Variants in PPP1R42 observed in about 807,000 individuals in gnomAD.
PPP1R42 encodes the protein protein phosphatase 1 regulatory subunit 42.
PPP1R42 carries 34 observed loss-of-function variants against 31.0 expected under a neutral mutation model. The ratio of observed to expected loss-of-function variants is 1.10; its 90% CI spans 0.83 to 1.46. The LOEUF is 1.46. Among genes scored for constraint, PPP1R42 ranks in the 40% most tolerant of loss-of-function variants. The probability of loss-of-function intolerance (pLI) is 0.00; values close to 1 mark genes in which losing one functional copy is unlikely to be tolerated. For missense variants in PPP1R42, 268 were observed against 303.0 expected (o/e 0.88, Z 0.86); for synonymous variants, 103 against 109.8 (o/e 0.94, Z 0.39).
intron 3 of PPP1R42, among the ~76,000 whole-genome samples, chr8:67,013,758 C>A (rs1815915958): frequency 6.6e-6 from 1 of 152,022 alleles, no homozygotes; most frequent in African/African-American, 2.4e-5. Context: ...GATATCTGGG[C>A]CTAACCCCTG....
intron 5 of PPP1R42, 66 bp from the exon 6 acceptor site, chr8:66,988,583 G>C (rs1458973174): frequency 1.4e-6 from 2 of 1,408,180 alleles, no homozygotes; most frequent in African/African-American, 2.9e-5. Flanking sequence ...TAGCATGTCA[G>C]TTATTGTTTT....
At chr8:66,991,324 A>C (rs1057021508) in intron 5 of PPP1R42, among the ~76,000 whole-genome samples, 1 of 152,188 alleles carries the variant, frequency 6.6e-6, no homozygotes, top group Admixed American at 6.5e-5. Context: ...CAAATGCAAA[A>C]GTCTTATTGT....
intron 1 of PPP1R42, among the ~76,000 whole-genome samples, chr8:67,023,064 T>TGC (rs1816272392): frequency 6.6e-6 from 1 of 152,130 alleles, no homozygotes; most frequent in Non-Finnish European, 1.5e-5. Flanking sequence ...TTTTCAGTAG[T>TGC]TAAAATTTTT....
intron 7 of PPP1R42, 120 bp from the exon 8 acceptor site, chr8:66,964,454 CCAAA>C (rs1330034505): frequency 3.9e-5 from 14 of 363,608 alleles, no homozygotes; most frequent in Non-Finnish European, 2.3e-5. Flanking sequence ...TGATTAATCA[CCAAA>C]CAGTGTGAAT....
At chr8:66,983,068 T>C (rs1038689433) in intron 6 of PPP1R42, among the ~76,000 whole-genome samples, 3 of 151,964 alleles carry the variant, frequency 2.0e-5, no homozygotes, top group African/African-American at 7.3e-5. Context: ...GTGATAGAAA[T>C]TGCGCTTCAT....
intron 7 of PPP1R42, chr8:66,970,956 C>T (rs1005569502): frequency 1.7e-5 from 25 of 1,483,446 alleles, no homozygotes; most frequent in Non-Finnish European, 2.2e-5. Flanking sequence ...AAGATAAAGT[C>T]ACATAAATAT....
intron 1 of PPP1R42, among the ~76,000 whole-genome samples, chr8:67,022,746 A>G (rs988482162): frequency 6.6e-6 from 1 of 152,060 alleles, no homozygotes; most frequent in Non-Finnish European, 1.5e-5. Context: ...CAATTACCCC[A>G]GTACTTGGGG....
rs1284719666 is a variant in PPP1R42 at position 67,017,710 on chromosome 8, C to A, written c.38G>T (p.Ser13Ile). The A allele has an allele frequency of 3.1e-6, 5 of 1,598,366 alleles. No individual in the cohort carries two copies. Among genetic ancestry groups the A allele is most frequent in the Middle Eastern group, 1.7e-4 (1 of 5,940 alleles). The change falls in exon 2 of 8, where the codon AGC becomes ATC. Residue 13 changes from serine (S) to isoleucine (I), a missense_variant. Physicochemically the swap from Ser to Ile is moderately radical, Grantham distance 142. Coordinates refer to ENST00000685739, the MANE Select transcript of PPP1R42 (RefSeq NM_001364910.1). Reference protein sequence around the residue: ...RLTLDLIARNSNLKPRKEETI... With the variant: ...RLTLDLIARNINLKPRKEETI... ...TTCTTCTTTTCGGGGTTTAAGATTG[C>A]TGTTTCTGGCAATTAGATCCAAGGT...
Position 66,964,141 on chromosome 8 carries a change from T to C in PPP1R42, c.*180A>G. On this transcript the variant is annotated 3_prime_UTR_variant, in exon 8 of 8. Transcript: ENST00000685739. Reference sequence around the variant, plus strand: ...CTTATATTATGAGATACCATAAAGCTACAAACCCACAAAAGATATTGTTGC... The same window carrying C: ...CTTATATTATGAGATACCATAAAGCCACAAACCCACAAAAGATATTGTTGC... The C allele has an allele frequency of 4.6e-6, 2 of 438,754 alleles. No homozygotes were observed. The highest frequency in any genetic ancestry group is 1.7e-5 in the South Asian group (1 of 59,682). The allele number at this position is 438,754 out of a possible 1,614,324, so 27.2% of individuals were successfully genotyped here. A position where few individuals can be genotyped will look rare whatever the true frequency, so the allele number is the denominator to read the frequency against.
intron 6 of PPP1R42, among the ~76,000 whole-genome samples, chr8:66,983,644 C>G (rs1814914344): frequency 6.6e-6 from 1 of 152,086 alleles, no homozygotes. Flanking sequence ...GGGATAATGA[C>G]AATATTCTGA....
chr8:67,012,120 C>A (rs1241906160), intron 4 of PPP1R42, among the ~76,000 whole-genome samples: 1 of 152,148 alleles, frequency 6.6e-6, no homozygotes, highest in Non-Finnish European at 1.5e-5. Flanking sequence ...CCTGTAGTCC[C>A]AGCTACTTGG....
chr8:67,009,317 C>A (rs929333346), intron 5 of PPP1R42, among the ~76,000 whole-genome samples: 25 of 151,944 alleles, frequency 1.6e-4, no homozygotes, highest in African/African-American at 5.8e-4. Context: ...CCTGTAATCC[C>A]AGCACTTTGG....
chr8:66,982,769 T>C (rs991063409), intron 6 of PPP1R42, among the ~76,000 whole-genome samples: 1 of 151,952 alleles, frequency 6.6e-6, no homozygotes, highest in Non-Finnish European at 1.5e-5. Flanking sequence ...TACCCCTTAT[T>C]ATGTTTGTTT....
At chr8:66,985,873 C>A (rs1390533751) in intron 6 of PPP1R42, 6 of 1,146,676 alleles carry the variant, frequency 5.2e-6, no homozygotes, top group Non-Finnish European at 6.4e-6. Context: ...CTTCTTCCAC[C>A]TTCTCAAAAT....
At chr8:66,986,006 T>C in intron 6 of PPP1R42, 1 of 747,822 alleles carries the variant, frequency 1.3e-6, no homozygotes, top group South Asian at 1.4e-5. Context: ...GCCTAGAGCT[T>C]CCGCCTTCCT....
chr8:67,014,455 G>T lies in PPP1R42; in HGVS notation c.267C>A (p.Asn89Lys). 6.4e-7 allele frequency: 1 copy of T among 1,556,586 alleles called. No homozygotes were observed. The highest frequency in any genetic ancestry group is 8.7e-7 in the Non-Finnish European group (1 of 1,154,846). Residue 89 changes from asparagine to lysine, a missense_variant, in exon 3 of 8, where the codon AAC becomes AAA. Physicochemically the swap from Asn to Lys is moderately conservative, Grantham distance 94. Transcript: ENST00000685739. ...LQNNCISCIE[N>K]LRSLKKLEKL... is the part of the protein sequence containing the mutation. ...TTTCCAGTTTCTTTAATGACCTGAG[G>T]TTCTCTATACATGAAATACAATTGT...
chr8:67,002,023 G>T (rs1815505450), intron 5 of PPP1R42, among the ~76,000 whole-genome samples: 1 of 152,118 alleles, frequency 6.6e-6, no homozygotes, highest in Non-Finnish European at 1.5e-5. Flanking sequence ...TTGAAGGATG[G>T]TTTCACTGGA....
chr8:66,990,276 CA>C (rs1815151830), intron 5 of PPP1R42, among the ~76,000 whole-genome samples: 1 of 151,818 alleles, frequency 6.6e-6, no homozygotes, highest in Non-Finnish European at 1.5e-5. Context: ...AAAGTTAATA[CA>C]AACACTTAGA....
intron 5 of PPP1R42, among the ~76,000 whole-genome samples, chr8:66,989,910 A>G (rs557502377): frequency 6.6e-6 from 1 of 152,330 alleles, no homozygotes; most frequent in African/African-American, 2.4e-5. Flanking sequence ...TAAATGTGTC[A>G]GTTCTCTGCC....
Sources: gnomAD v4.1 joint callset for allele counts (sites outside exome capture counted in the v4.1 genomes callset) on GRCh38, gnomAD v4.1.1 for gene constraint, MANE v1.5 for transcripts, NCBI Gene and HGNC (gene_info 2026-07-23, HGNC 2026-07-21) for gene names.